The following GRIK1 variants were observed in gnomAD, a reference collection of about 807,000 sequenced individuals.
The protein encoded by GRIK1 is glutamate receptor ionotropic, kainate 1.
A neutral mutation model predicts 105.7 loss-of-function variants in GRIK1; 69 were observed. The ratio of observed to expected loss-of-function variants is 0.65; its 90% CI spans 0.54 to 0.80. GRIK1 has a LOEUF of 0.80. GRIK1 is among the 30% of genes least tolerant of loss of function. The pLI, the probability that GRIK1 is intolerant of heterozygous loss-of-function variation, is 0.00. For synonymous variants in GRIK1, 438 were observed against 431.3 expected (o/e 1.02, Z -0.19); for missense variants, 1,109 against 1,167.3 (o/e 0.95, Z 0.73).
At chr21:29,741,476 T>C (rs934021625) in intron 1 of GRIK1, among the ~76,000 whole-genome samples, 1 of 152,214 alleles carries the variant, frequency 6.6e-6, no homozygotes, top group African/African-American at 2.4e-5. Context: ...TGCTATTTAG[T>C]ATCTTATCAG....
At chr21:29,832,564 T>G (rs1213821218) in intron 1 of GRIK1, among the ~76,000 whole-genome samples, 1 of 152,132 alleles carries the variant, frequency 6.6e-6, no homozygotes, top group Non-Finnish European at 1.5e-5. Context: ...TCAAATCTTA[T>G]GGGTTGTACA....
intron 4 of GRIK1, among the ~76,000 whole-genome samples, chr21:29,670,697 A>G (rs1378942999): frequency 1.3e-5 from 2 of 152,306 alleles, no homozygotes; most frequent in East Asian, 3.9e-4. Context: ...CTGGGAAGGG[A>G]TGCTTCTTTG....
chr21:29,734,044 A>G (rs1014654828), intron 1 of GRIK1, among the ~76,000 whole-genome samples: 2 of 152,202 alleles, frequency 1.3e-5, no homozygotes, highest in Non-Finnish European at 2.9e-5. Flanking sequence ...GCTGTGTTTA[A>G]CAATAGGCTT....
At chr21:29,715,148 G>T (rs1043228542) in intron 1 of GRIK1, among the ~76,000 whole-genome samples, 1 of 152,120 alleles carries the variant, frequency 6.6e-6, no homozygotes, top group Non-Finnish European at 1.5e-5. Flanking sequence ...ACATAATTCA[G>T]GGTTGTTCAG....
At chr21:29,779,735 C>T (rs1218695137) in intron 1 of GRIK1, among the ~76,000 whole-genome samples, 1 of 152,248 alleles carries the variant, frequency 6.6e-6, no homozygotes, top group East Asian at 1.9e-4. Flanking sequence ...ATTAGCTAGG[C>T]TCCAAAAATT....
At chr21:29,716,582 G>T (rs530285265) in intron 1 of GRIK1, among the ~76,000 whole-genome samples, 3 of 152,276 alleles carry the variant, frequency 2.0e-5, no homozygotes, top group Admixed American at 2.0e-4. Context: ...GAACAAAGGT[G>T]ATCCTTGCTA....
intron 14 of GRIK1, among the ~76,000 whole-genome samples, chr21:29,571,868 C>T (rs1355352307): frequency 1.3e-5 from 2 of 152,174 alleles, no homozygotes; most frequent in African/African-American, 4.8e-5. Flanking sequence ...AAACGTTTCT[C>T]ATTAGAAGTT....
intron 6 of GRIK1, among the ~76,000 whole-genome samples, chr21:29,643,644 C>T (rs142512291): frequency 4.1e-4 from 62 of 152,272 alleles, no homozygotes; most frequent in East Asian, 7.7e-4. Context: ...TTGGGCATCT[C>T]GTTCTTCCCT....
intron 1 of GRIK1, among the ~76,000 whole-genome samples, chr21:29,752,716 A>T (rs1192904031): frequency 6.6e-6 from 1 of 152,198 alleles, no homozygotes; most frequent in Non-Finnish European, 1.5e-5. Flanking sequence ...ATGTGCCTGT[A>T]GTGCCAACTT....
chr21:29,857,808 T>C lies in GRIK1; in HGVS notation c.118+81575A>G, dbSNP rs1259762718. Among the ~76,000 whole-genome samples, 3 of 152,214 alleles carry C rather than the reference T, an allele frequency of 2.0e-5. No homozygotes were observed. In the East Asian group the frequency reaches 5.8e-4, roughly 29 times the overall value. On this transcript the variant is annotated intron_variant, in intron 1 of 17. Coordinates refer to ENST00000327783, the MANE Select transcript of GRIK1 (RefSeq NM_001330994.2). ...CCATTACTGGATTTAAGATTTGAGT[T>C]ATCATGTCAAGACTTTAACCACCTT...
At chr21:29,807,061 G>A (rs2066881432) in intron 1 of GRIK1, among the ~76,000 whole-genome samples, 3 of 152,084 alleles carry the variant, frequency 2.0e-5, no homozygotes, top group African/African-American at 4.8e-5. Context: ...CCAGCCTTCC[G>A]GCTCTTGAGG....
intron 1 of GRIK1, among the ~76,000 whole-genome samples, chr21:29,734,351 CT>C (rs1387162260): frequency 6.7e-4 from 8 of 11,894 alleles, no homozygotes; most frequent in Middle Eastern, 0.036. Context: ...TAGCACTTTT[CT>C]TTTCTTTTCT....
intron 3 of GRIK1, among the ~76,000 whole-genome samples, chr21:29,679,570 T>A (rs914247425): frequency 1.3e-5 from 2 of 152,186 alleles, no homozygotes; most frequent in African/African-American, 4.8e-5. Flanking sequence ...TATCTGAAAC[T>A]CAAACTTAAC....
intron 7 of GRIK1, among the ~76,000 whole-genome samples, chr21:29,605,525 A>AT (rs1199944630): frequency 6.6e-6 from 1 of 152,280 alleles, no homozygotes; most frequent in Non-Finnish European, 1.5e-5. Context: ...TGCAATGAAC[A>AT]TAAGTGTGCA....
chr21:29,782,840 G>T (rs1234992135), intron 1 of GRIK1, among the ~76,000 whole-genome samples: 4 of 152,072 alleles, frequency 2.6e-5, no homozygotes. Context: ...ATTACACACG[G>T]AGGCTTGGTT....
At chr21:29,907,275 T>G (rs1024950994) in intron 1 of GRIK1, among the ~76,000 whole-genome samples, 1 of 152,126 alleles carries the variant, frequency 6.6e-6, no homozygotes, top group African/African-American at 2.4e-5. Context: ...TTACTTTTTG[T>G]TTTTTGGTTA....
rs1182416448 is a variant in GRIK1 at position 29,747,476 on chromosome 21, G to A, written c.119-53413C>T. ...AGGTAAACAAGGCAGACCCTGAGAA[G>A]AGGCGAAGGCAGAAAGTATCAGTTG... On this transcript the variant is annotated intron_variant, in intron 1 of 17. Transcript: ENST00000327783. Among the ~76,000 whole-genome samples the A allele has an allele frequency of 2.6e-5, 4 of 152,268 alleles. No individual in the cohort carries two copies. In the East Asian group the frequency reaches 7.7e-4, roughly 29 times the overall value.
intron 13 of GRIK1, among the ~76,000 whole-genome samples, chr21:29,579,708 C>T (rs1030975250): frequency 2.6e-5 from 4 of 152,068 alleles, no homozygotes; most frequent in Non-Finnish European, 5.9e-5. Context: ...TTGCACCTGA[C>T]AAATGTTTGT....
intron 1 of GRIK1, among the ~76,000 whole-genome samples, chr21:29,727,247 G>A (rs77830452): frequency 0.026 from 3,996 of 152,092 alleles, 121 homozygotes; most frequent in East Asian, 0.096. Flanking sequence ...TTTTAGAAGT[G>A]GAGCAAAGGA....
Sources: allele counts gnomAD v4.1 joint callset (sites outside exome capture counted in the v4.1 genomes callset), GRCh38; gene constraint gnomAD v4.1.1; transcripts MANE v1.5; gene names NCBI Gene and HGNC (gene_info 2026-07-23, HGNC 2026-07-21).